Variants in SLC2A13 observed in about 807,000 individuals in gnomAD.
SLC2A13 encodes the protein proton myo-inositol cotransporter.
SLC2A13 carries 32 observed loss-of-function variants against 64.4 expected under a neutral mutation model. That is an observed-to-expected ratio of 0.50 (90% CI 0.37 to 0.67). The LOEUF (loss-of-function observed/expected upper bound fraction) is 0.67. Ranked by LOEUF, SLC2A13 falls within the 30% of genes least tolerant of loss-of-function variation. SLC2A13 has a pLI of 0.00. For missense variants in SLC2A13, 743 were observed against 829.2 expected, an observed-to-expected ratio of 0.90 and a Z score of 1.28; for synonymous variants, 338 against 327.1, an observed-to-expected ratio of 1.03 and a Z score of -0.36.
intron 1 of SLC2A13, among the ~76,000 whole-genome samples, chr12:40,048,910 A>T (rs61931530): frequency 6.6e-5 from 10 of 152,212 alleles, no homozygotes; most frequent in South Asian, 2.1e-4. Flanking sequence ...CACCCACCTC[A>T]GACCTACTAA....
chr12:39,918,631 G>A (rs1362511295), intron 4 of SLC2A13, among the ~76,000 whole-genome samples: 2 of 152,024 alleles, frequency 1.3e-5, no homozygotes, highest in Non-Finnish European at 2.9e-5. Context: ...TCAACATACA[G>A]CAAATCACTT....
intron 6 of SLC2A13, among the ~76,000 whole-genome samples, chr12:39,851,181 T>C (rs1025083179): frequency 6.6e-6 from 1 of 152,206 alleles, no homozygotes; most frequent in African/African-American, 2.4e-5. Context: ...ATTACAGGCA[T>C]GAGTCACCGT....
At chr12:39,763,103 A>C (rs2135711138) in intron 9 of SLC2A13, among the ~76,000 whole-genome samples, 1 of 152,170 alleles carries the variant, frequency 6.6e-6, no homozygotes, top group East Asian at 1.9e-4. Context: ...ATACGAGGAA[A>C]TATTTATTGT....
intron 1 of SLC2A13, among the ~76,000 whole-genome samples, chr12:40,085,082 G>A (rs1042701262): frequency 2.6e-5 from 4 of 152,144 alleles, no homozygotes; most frequent in African/African-American, 9.7e-5. Flanking sequence ...AGCACTTCTC[G>A]ACAGATGAAC....
intron 1 of SLC2A13, among the ~76,000 whole-genome samples, chr12:40,091,192 G>A (rs899692626): frequency 2.0e-5 from 3 of 152,118 alleles, no homozygotes; most frequent in African/African-American, 7.2e-5. Context: ...AATCTTATGG[G>A]ACCACCATCC....
chr12:39,917,406 G>A (rs1945539416), intron 4 of SLC2A13, among the ~76,000 whole-genome samples: 1 of 152,060 alleles, frequency 6.6e-6, no homozygotes, highest in Non-Finnish European at 1.5e-5. Flanking sequence ...TCAGTGTGAT[G>A]TGCTGACTTG....
intron 6 of SLC2A13, among the ~76,000 whole-genome samples, chr12:39,835,244 A>T (rs1365257685): frequency 6.6e-6 from 1 of 152,106 alleles, no homozygotes; most frequent in Non-Finnish European, 1.5e-5. Context: ...TCTCAAGAGC[A>T]CACATTGTCT....
intron 7 of SLC2A13, among the ~76,000 whole-genome samples, chr12:39,775,714 T>C (rs191393348): frequency 1.3e-5 from 2 of 152,296 alleles, no homozygotes; most frequent in East Asian, 1.9e-4. Context: ...ATAAGTTATA[T>C]GGATAAGAGT....
intron 2 of SLC2A13, among the ~76,000 whole-genome samples, chr12:40,037,875 A>G (rs1592028766): frequency 6.6e-6 from 1 of 152,296 alleles, no homozygotes; most frequent in African/African-American, 2.4e-5. Flanking sequence ...CCATAGAATG[A>G]CATGCCCTCT....
intron 3 of SLC2A13, among the ~76,000 whole-genome samples, chr12:40,018,183 T>C (rs536413416): frequency 6.6e-6 from 1 of 152,210 alleles, no homozygotes; most frequent in South Asian, 2.1e-4. Context: ...AAGCACAAAA[T>C]AATAAGCTTC....
chr12:39,918,316 GT>G (rs1945553890), intron 4 of SLC2A13, among the ~76,000 whole-genome samples: 1 of 151,662 alleles, frequency 6.6e-6, no homozygotes, highest in African/African-American at 2.4e-5. Flanking sequence ...TTTTTGGGGG[GT>G]GGTGAACTAA....
intron 6 of SLC2A13, among the ~76,000 whole-genome samples, chr12:39,847,154 T>C (rs1417078066): frequency 1.3e-5 from 2 of 152,194 alleles, no homozygotes; most frequent in African/African-American, 2.4e-5. Flanking sequence ...ATCGTGAAAG[T>C]AGGTGAATCC....
chr12:39,936,308 G>C (rs1252633345), intron 4 of SLC2A13, among the ~76,000 whole-genome samples: 1 of 152,178 alleles, frequency 6.6e-6, no homozygotes, highest in Non-Finnish European at 1.5e-5. Flanking sequence ...TATTGTGGAT[G>C]CTTGAACTAG....
chr12:40,027,644 C>G (rs2136215440), intron 3 of SLC2A13, among the ~76,000 whole-genome samples: 1 of 152,284 alleles, frequency 6.6e-6, no homozygotes, highest in East Asian at 1.9e-4. Flanking sequence ...CTGCTTCTCC[C>G]CTTGAGCTAA....
chr12:39,867,465 AAAAC>A (rs1251055535), intron 5 of SLC2A13, among the ~76,000 whole-genome samples: 3 of 152,092 alleles, frequency 2.0e-5, no homozygotes, highest in African/African-American at 7.2e-5. Context: ...GAAAAAAACA[AAAAC>A]AAAAACAAAA....
At chr12:39,771,137 T>C (rs1483277554) in intron 7 of SLC2A13, among the ~76,000 whole-genome samples, 1 of 152,164 alleles carries the variant, frequency 6.6e-6, no homozygotes, top group Non-Finnish European at 1.5e-5. Flanking sequence ...TAATTTAGAC[T>C]CCGAGTGTGT....
intron 7 of SLC2A13, among the ~76,000 whole-genome samples, chr12:39,818,938 A>G (rs904112212): frequency 6.6e-6 from 1 of 152,176 alleles, no homozygotes; most frequent in African/African-American, 2.4e-5. Context: ...AAGCCAATTA[A>G]TTAAAAAACA....
chr12:39,824,697 C>A (rs1942621784), intron 7 of SLC2A13, among the ~76,000 whole-genome samples: 2 of 152,132 alleles, frequency 1.3e-5, no homozygotes, highest in African/African-American at 2.4e-5. Flanking sequence ...GTAGGACTTA[C>A]AGCTATCATT....
intron 6 of SLC2A13, among the ~76,000 whole-genome samples, chr12:39,854,005 A>C (rs117736911): frequency 0.015 from 2,222 of 152,168 alleles, 26 homozygotes; most frequent in Middle Eastern, 0.024. Context: ...TAGCCCTTCA[A>C]TATGAGGGGC....
Sources: allele counts gnomAD v4.1 joint callset (sites outside exome capture counted in the v4.1 genomes callset), GRCh38; gene constraint gnomAD v4.1.1; transcripts MANE v1.5; gene names NCBI Gene and HGNC (gene_info 2026-07-23, HGNC 2026-07-21).